YAE1: variants seen among roughly 807,000 people sequenced by gnomAD.
YAE1 encodes protein YAE1 homolog.
YAE1 carries 22 observed loss-of-function variants against 23.0 expected under a neutral mutation model. That is an observed-to-expected ratio of 0.96 (90% CI 0.68 to 1.37). The LOEUF (loss-of-function observed/expected upper bound fraction) is 1.37, where lower values mean the gene tolerates loss of function less well. Among genes scored for constraint, YAE1 ranks in the 40% most tolerant of loss-of-function variants. YAE1 has a pLI of 0.00. For synonymous variants in YAE1, 101 were observed against 97.0 expected, an observed-to-expected ratio of 1.04 and a Z score of -0.24; for missense variants, 260 against 262.1, an observed-to-expected ratio of 0.99 and a Z score of 0.06.
chr7:39,566,852 AACAT>A (rs1790477154), intron 1 of YAE1: 1 of 296,970 alleles, frequency 3.4e-6, no homozygotes, highest in African/African-American at 2.2e-5. Flanking sequence ...GCTGGAGAGA[AACAT>A]ACACTATACT....
At chr7:39,571,420 GA>G (rs1440464694) in intron 2 of YAE1, among the ~76,000 whole-genome samples, 9 of 143,594 alleles carry the variant, frequency 6.3e-5, no homozygotes, top group Non-Finnish European at 9.1e-5. Context: ...CCTTGGTAGA[GA>G]AAAAAAAAAT....
intron 2 of YAE1, among the ~76,000 whole-genome samples, chr7:39,608,484 G>A (rs554692315): frequency 3.3e-5 from 5 of 152,204 alleles, no homozygotes; most frequent in African/African-American, 7.2e-5. Context: ...AAAAGAAAAG[G>A]GTAGAAAACA....
At chr7:39,574,726 CTG>C (rs1350474052), downstream of YAE1, among the ~76,000 whole-genome samples, 1 of 121,228 alleles carries the variant, frequency 8.2e-6, no homozygotes, top group African/African-American at 3.5e-5. Flanking sequence ...GAGCAAGACT[CTG>C]TCTCCAAAAA....
chr7:39,572,692 C>T lies in YAE1; in HGVS notation c.667C>T (p.Leu223Phe). Residue 223 changes from leucine to phenylalanine, a missense_variant, in exon 3 of 3, where the codon CTC becomes TTC. Leu to Phe is a conservative substitution (Grantham distance 22, BLOSUM62 0). Coordinates refer to ENST00000223273, the MANE Select transcript of YAE1 (RefSeq NM_020192.5). The stretch of plus-strand genomic sequence containing the variant: ...CCTATCAGTAGATGTATTACAACAC[C>T]TCAAACAACTATAAAATTACCTTCC... The part of the protein sequence containing the change: ...LGLSVDVLQH[L>F]KQL The T allele has an allele frequency of 6.4e-7, 1 of 1,572,146 alleles. No individual in the cohort carries two copies. The highest frequency in any genetic ancestry group is 8.6e-7 in the Non-Finnish European group (1 of 1,164,766).
chr7:39,598,854 T>A (rs1327735150), intron 2 of YAE1, among the ~76,000 whole-genome samples: 1 of 151,754 alleles, frequency 6.6e-6, no homozygotes, highest in East Asian at 1.9e-4. Context: ...CGATAGGTAT[T>A]ATGTTACATA....
At chr7:39,573,471 T>C (rs968368694), downstream of YAE1, among the ~76,000 whole-genome samples, 10 of 152,308 alleles carry the variant, frequency 6.6e-5, no homozygotes, top group South Asian at 2.1e-3. Context: ...CTTGAGGTAA[T>C]ATTCTTAGTC....
At chr7:39,599,176 G>A (rs1791019321) in intron 2 of YAE1, among the ~76,000 whole-genome samples, 1 of 152,022 alleles carries the variant, frequency 6.6e-6, no homozygotes, top group South Asian at 2.1e-4. Context: ...GGAGGCACAG[G>A]TTGCAGTGAG....
Position 39,585,196 on chromosome 7 carries a change from A to G in YAE1, c.251+14569A>G, listed in dbSNP as rs1036229942. Among the ~76,000 whole-genome samples the G allele has an allele frequency of 2.0e-5, 3 of 152,230 alleles. 1 individual carries two copies. Among genetic ancestry groups the G allele is most frequent in the Middle Eastern group, 6.3e-3 (2 of 316 alleles). On this transcript the variant is annotated intron_variant, in intron 2 of 2. Coordinates refer to the YAE1 transcript ENST00000432096. ...TAGTAAAATATTTAGATATTCAGAA[A>G]CATTGTAGAAAATATTATTTAGGAA...
At chr7:39,594,536 GT>G (rs1790948960) in intron 2 of YAE1, among the ~76,000 whole-genome samples, 1 of 151,622 alleles carries the variant, frequency 6.6e-6, no homozygotes, top group Non-Finnish European at 1.5e-5. Context: ...TTTGTTCAGA[GT>G]TTATAAGTAT....
chr7:39,607,324 C>A (rs1004608513), intron 2 of YAE1, among the ~76,000 whole-genome samples: 1 of 152,214 alleles, frequency 6.6e-6, no homozygotes, highest in African/African-American at 2.4e-5. Context: ...GGTTGATAAT[C>A]AGCTGGCTTT....
At chr7:39,588,813 A>G (rs976544450) in intron 2 of YAE1, among the ~76,000 whole-genome samples, 2 of 125,906 alleles carry the variant, frequency 1.6e-5, no homozygotes, top group African/African-American at 5.4e-5. Flanking sequence ...AACAATATAT[A>G]ATTTTAGGTT....
chr7:39,598,285 T>C (rs1791006614), intron 2 of YAE1, among the ~76,000 whole-genome samples: 1 of 152,048 alleles, frequency 6.6e-6, no homozygotes, highest in Non-Finnish European at 1.5e-5. Flanking sequence ...AATTTTTGTA[T>C]TTTTAGTAGA....
intron 2 of YAE1, among the ~76,000 whole-genome samples, chr7:39,588,574 A>T (rs192239775): frequency 3.9e-5 from 6 of 151,906 alleles, no homozygotes; most frequent in Non-Finnish European, 7.4e-5. Flanking sequence ...CAGTAGTCGC[A>T]GGAAACACCA....
At chr7:39,603,561 G>A (rs188247276) in intron 2 of YAE1, among the ~76,000 whole-genome samples, 1 of 152,276 alleles carries the variant, frequency 6.6e-6, no homozygotes, top group East Asian at 1.9e-4. Flanking sequence ...ATATTAGCCT[G>A]GAGAATGAAA....
At chr7:39,585,699 T>A (rs564544896) in intron 2 of YAE1, among the ~76,000 whole-genome samples, 1 of 152,358 alleles carries the variant, frequency 6.6e-6, no homozygotes, top group South Asian at 2.1e-4. Flanking sequence ...CTTCAACAGA[T>A]ATTTATTAAA....
At chr7:39,579,666 T>TC (rs1398643392) in intron 2 of YAE1, among the ~76,000 whole-genome samples, 1 of 73,556 alleles carries the variant, frequency 1.4e-5, no homozygotes, top group Admixed American at 1.3e-4. Flanking sequence ...AGACTCTGTC[T>TC]CAAAAAAAAA....
exon 3 of YAE1, chr7:39,609,758 G>A (rs981903675): frequency 6.5e-6 from 10 of 1,534,936 alleles, no homozygotes; most frequent in Admixed American, 5.9e-5. Flanking sequence ...CGGAGCTCGA[G>A]GCGACGCTGC....
intron 1 of YAE1, among the ~76,000 whole-genome samples, chr7:39,568,670 TCCA>T (rs1790514444): frequency 6.6e-6 from 1 of 152,108 alleles, no homozygotes; most frequent in Non-Finnish European, 1.5e-5. Flanking sequence ...AAAAGATAAT[TCCA>T]GGATATTATC....
intron 2 of YAE1, among the ~76,000 whole-genome samples, chr7:39,604,167 C>CTGT (rs957423541): frequency 7.2e-4 from 109 of 152,232 alleles, no homozygotes; most frequent in African/African-American, 2.5e-3. Context: ...GTGGCTATAG[C>CTGT]TGTGCCTGTC....
Sources: allele counts gnomAD v4.1 joint callset (sites outside exome capture counted in the v4.1 genomes callset), GRCh38; gene constraint gnomAD v4.1.1; transcripts MANE v1.5; gene names NCBI Gene and HGNC (gene_info 2026-07-23, HGNC 2026-07-21).